The following SNX17 variants were observed in gnomAD, a reference collection of about 807,000 sequenced individuals.
The protein encoded by SNX17 is sorting nexin 17.
A neutral mutation model predicts 64.3 loss-of-function variants in SNX17; 35 were observed. The ratio of observed to expected loss-of-function variants is 0.54; its 90% CI spans 0.42 to 0.72. The LOEUF is 0.72. Among genes scored for constraint, SNX17 ranks in the 30% least tolerant of loss-of-function variants. SNX17 has a pLI of 0.00. For missense variants in SNX17, 538 were observed against 610.0 expected, an observed-to-expected ratio of 0.88 and a Z score of 1.24; for synonymous variants, 259 against 230.2, an observed-to-expected ratio of 1.13 and a Z score of -1.13.
intron 11 of SNX17, 43 bp from the exon 12 acceptor site, chr2:27,376,061 CAG>C: frequency 6.2e-7 from 1 of 1,613,612 alleles, no homozygotes; most frequent in Middle Eastern, 1.6e-4. Flanking sequence ...GTGCTGGGCT[CAG>C]AGTGACCACT....
Position 27,377,006 on chromosome 2 carries a change from T to G in SNX17, c.*287T>G. The G allele has an allele frequency of 2.2e-6, 1 of 453,684 alleles. No homozygotes were observed. The highest frequency in any genetic ancestry group is 4.0e-6 in the Non-Finnish European group (1 of 247,258). The allele number at this position is 453,684 out of a possible 1,614,324, so 28.1% of individuals were successfully genotyped here. A position where few individuals can be genotyped will look rare whatever the true frequency, so the allele number is the denominator to read the frequency against. On this transcript the variant is annotated 3_prime_UTR_variant, in exon 15 of 15. Transcript: ENST00000233575. This position sits in a 1 kb window ranked among gnomAD's most constrained non-coding sequence, Gnocchi z 4.4. ...GGCTGCCTGCCTTGGGGAGGAACCA[T>G]ATCTCCCTCTGGGCCGCTTCTGGCC...
chr2:27,372,555 G>C, intron 2 of SNX17, 68 bp from the exon 3 acceptor site: 1 of 1,611,322 alleles, frequency 6.2e-7, no homozygotes, highest in South Asian at 1.1e-5. Context: ...AACATTATGA[G>C]CATATGTAGA....
rs148186693 is a variant in SNX17, at chr2:27,374,092, C to G, written c.440C>G (p.Ala147Gly). 6.2e-7 allele frequency: 1 copy of G among 1,614,188 alleles called. No individual in the cohort carries two copies. The highest frequency in any genetic ancestry group is 8.5e-7 in the Non-Finnish European group (1 of 1,179,998). Reference sequence around the variant, plus strand: ...TTCTATCCCTATCCCCAGGCTGTAGCTGCAAAGCTGGATCTTCCAGATGAC... The same window carrying G: ...TTCTATCCCTATCCCCAGGCTGTAGGTGCAAAGCTGGATCTTCCAGATGAC... The part of the protein sequence containing the change: ...DQTEDVLEAV[A>G]AKLDLPDDLI... Residue 147 changes from alanine (A) to glycine (G), a missense_variant, in exon 6 of 15, where the codon GCT (alanine) becomes GGT (glycine). Ala to Gly is a moderately conservative substitution (Grantham distance 60). Around this residue, in one of 3 missense-constraint regions of SNX17, gnomAD observed 505 missense variants for 550.4 expected, o/e 0.92. Transcript: ENST00000233575.
At chr2:27,372,820 G>C in intron 3 of SNX17, 80 bp downstream of exon 3, 1 of 1,557,852 alleles carries the variant, frequency 6.4e-7, no homozygotes, top group Admixed American at 1.7e-5. Context: ...CTGTGGAAGG[G>C]CCTGATTTAA....
chr2:27,374,840 C>A, intron 8 of SNX17, 82 bp downstream of exon 8: 1 of 1,339,714 alleles, frequency 7.5e-7, no homozygotes. Flanking sequence ...GCTGTCGTGT[C>A]TTTGTTCCCA....
Position 27,376,671 on chromosome 2 carries a change from T to C in SNX17, c.1365T>C (p.Asp455=), listed in dbSNP as rs769015680. 3.7e-6 allele frequency: 6 copies of C among 1,614,222 alleles called. No homozygotes were observed. In the South Asian group the frequency reaches 6.6e-5, roughly 18 times the overall value. Residue 455 remains aspartate, a synonymous_variant, in exon 15 of 15, where the codon GAT becomes GAC. Coordinates refer to ENST00000233575, the MANE Select transcript of SNX17 (RefSeq NM_014748.4). ...GSPSTDASAS[D]VHGNFAFEGI... is the part of the protein sequence containing the mutation. ...CCAGCACAGATGCCAGTGCCAGTGATGTCCACGGCAATTTCGCCTTCGAGG... is the reference window on the plus strand; with the variant it reads ...CCAGCACAGATGCCAGTGCCAGTGACGTCCACGGCAATTTCGCCTTCGAGG...
chr2:27,377,052 G>C lies in SNX17; in HGVS notation c.*333G>C. 1 of 414,972 alleles carries C rather than the reference G, an allele frequency of 2.4e-6. No homozygotes were observed. The highest frequency in any genetic ancestry group is 4.5e-6 in the Non-Finnish European group (1 of 222,884). The allele number at this position is 414,972 out of a possible 1,614,324, so 25.7% of individuals were successfully genotyped here. On this transcript the variant is annotated 3_prime_UTR_variant, in exon 15 of 15. Transcript: ENST00000233575. The surrounding 1 kb of genome is among the most constrained non-coding windows in gnomAD (Gnocchi z 4.4). Reference sequence around the variant, plus strand: ...TGGCCTCTTGGAGCCATGGGCCAAAGGCCAAGGGGATGGGCAGAGGTCTGT... The same window carrying C: ...TGGCCTCTTGGAGCCATGGGCCAAACGCCAAGGGGATGGGCAGAGGTCTGT...
intron 5 of SNX17, 43 bp from the exon 6 acceptor site, chr2:27,374,042 A>G: frequency 6.2e-7 from 1 of 1,609,764 alleles, no homozygotes; most frequent in Non-Finnish European, 8.5e-7. Flanking sequence ...GAATGATTGG[A>G]ACCAGCCAGT....
At chr2:27,373,083 A>C in intron 3 of SNX17, 164 bp from the exon 4 acceptor site, 4 of 1,556,260 alleles carry the variant, frequency 2.6e-6, no homozygotes, top group Non-Finnish European at 3.5e-6. Context: ...AGGGTGGGGC[A>C]GGTGAAGAAT....
At chr2:27,372,065 AG>A (rs1682658492) in intron 2 of SNX17, among the ~76,000 whole-genome samples, 1 of 152,044 alleles carries the variant, frequency 6.6e-6, no homozygotes, top group African/African-American at 2.4e-5. Context: ...TTGTATTTTT[AG>A]TAGAGAGGGG....
chr2:27,377,061 G>C lies in SNX17; in HGVS notation c.*342G>C. 1 of 410,438 alleles carries C rather than the reference G, an allele frequency of 2.4e-6. No homozygotes were observed. Among genetic ancestry groups the C allele is most frequent in the Non-Finnish European group, 4.5e-6 (1 of 220,178 alleles). 25.4% of individuals were successfully genotyped at this position (410,438 alleles called of 1,614,324 possible). ...GGAGCCATGGGCCAAAGGCCAAGGG[G>C]ATGGGCAGAGGTCTGTGTTTGGTCT... On this transcript the variant is annotated 3_prime_UTR_variant, in exon 15 of 15. Coordinates refer to ENST00000233575, the MANE Select transcript of SNX17 (RefSeq NM_014748.4). This position sits in a 1 kb window ranked among gnomAD's most constrained non-coding sequence, Gnocchi z 4.4.
At position 27,375,250 on chromosome 2, in the gene SNX17, C is replaced by G. The variant is rs988010519; in HGVS notation, c.774+97C>G. ...GCCTCTCAGATTCATGCCATTCTCC[C>G]GCCTCAGCCTCCCGAGTAGCTGGGA... On this transcript the variant is annotated intron_variant, in intron 9 of 14. Transcript: ENST00000233575. This position sits in a 1 kb window ranked among gnomAD's most constrained non-coding sequence, Gnocchi z 4.1. The G allele has an allele frequency of 2.6e-6, 3 of 1,166,200 alleles. No individual in the cohort carries two copies. The African/African-American group carries it at 4.6e-5, about 18-fold the overall frequency. 72.2% of individuals were successfully genotyped at this position (1,166,200 alleles called of 1,614,324 possible).
intron 4 of SNX17, chr2:27,373,553 G>A: frequency 1.9e-6 from 1 of 537,996 alleles, no homozygotes; most frequent in Non-Finnish European, 3.3e-6. Flanking sequence ...AGTGGAGACG[G>A]GGTTTTGCCG....
chr2:27,375,980 C>A lies in SNX17; in HGVS notation c.1104+9C>A, dbSNP rs77687965. ...CCATCACTAGCCCCCAGGTGTGAAC[C>A]TACCCTCAGCCCTCCTCTGGAGCAC... On this transcript the variant is annotated intron_variant, in intron 11 of 14. Coordinates refer to ENST00000233575, the MANE Select transcript of SNX17 (RefSeq NM_014748.4). The surrounding 1 kb of genome is among the most constrained non-coding windows in gnomAD (Gnocchi z 4.1). 1.4e-4 allele frequency: 220 copies of A among 1,614,046 alleles called. 1 individual carries two copies. In the African/African-American group the frequency reaches 2.6e-3, roughly 19 times the overall value.
Position 27,377,024 on chromosome 2 carries a change from T to G in SNX17, c.*305T>G, listed in dbSNP as rs1246322164. 2.3e-6 allele frequency: 1 copy of G among 426,114 alleles called. No individual in the cohort carries two copies. The highest frequency in any genetic ancestry group is 2.3e-5 in the South Asian group (1 of 44,258). 26.4% of individuals were successfully genotyped at this position (426,114 alleles called of 1,614,324 possible). A position where few individuals can be genotyped will look rare whatever the true frequency, so the allele number is the denominator to read the frequency against. ...GGAACCATATCTCCCTCTGGGCCGCTTCTGGCCTCTTGGAGCCATGGGCCA... is the reference window on the plus strand; with the variant it reads ...GGAACCATATCTCCCTCTGGGCCGCGTCTGGCCTCTTGGAGCCATGGGCCA... On this transcript the variant is annotated 3_prime_UTR_variant, in exon 15 of 15. Coordinates refer to ENST00000233575, the MANE Select transcript of SNX17 (RefSeq NM_014748.4). The surrounding 1 kb of genome is among the most constrained non-coding windows in gnomAD (Gnocchi z 4.4).
At chr2:27,373,543 A>G (rs1248112309) in intron 4 of SNX17, 2 of 542,598 alleles carry the variant, frequency 3.7e-6, no homozygotes, top group South Asian at 2.1e-5. Context: ...TTGTATTTTT[A>G]GTGGAGACGG....
In SNX17 at chr2:27,375,625, C is replaced by T. The variant is rs761284405; in HGVS notation, c.894C>T (p.Ser298=). 6 of 1,614,182 alleles carry T rather than the reference C, an allele frequency of 3.7e-6. No individual in the cohort carries two copies. Among genetic ancestry groups the T allele is most frequent in the Non-Finnish European group, 5.1e-6 (6 of 1,180,026 alleles). Residue 298 remains serine, a synonymous_variant, in exon 10 of 15, where the codon AGC becomes AGT. Coordinates refer to ENST00000233575, the MANE Select transcript of SNX17 (RefSeq NM_014748.4). This position sits in a 1 kb window ranked among gnomAD's most constrained non-coding sequence, Gnocchi z 4.1. ...TGAGCGCGGGCAACAGTGAGCTCAGCCTGCAGCTCCGCCTGCCTGGCCAGC... is the reference window on the plus strand; with the variant it reads ...TGAGCGCGGGCAACAGTGAGCTCAGTCTGCAGCTCCGCCTGCCTGGCCAGC... ...VVVSAGNSEL[S]LQLRLPGQQL... is the part of the protein sequence containing the mutation.
intron 8 of SNX17, 146 bp from the exon 9 acceptor site, chr2:27,374,915 T>C (rs565579664): frequency 2.1e-6 from 2 of 969,770 alleles, no homozygotes; most frequent in Non-Finnish European, 3.2e-6. Flanking sequence ...TCCCTACTTT[T>C]ATTAAGCTGA....
intron 2 of SNX17, among the ~76,000 whole-genome samples, chr2:27,372,249 C>T (rs1198949843): frequency 6.6e-6 from 1 of 152,182 alleles, no homozygotes; most frequent in Non-Finnish European, 1.5e-5. Flanking sequence ...CCTTTAAGTC[C>T]TAAGATATTT....
Sources: gnomAD v4.1 joint callset for allele counts (sites outside exome capture counted in the v4.1 genomes callset) on GRCh38, gnomAD v4.1.1 for gene constraint, gnomAD v4.1.1 regional missense constraint, Gnocchi (gnomAD v3.1) non-coding constraint, MANE v1.5 for transcripts, NCBI Gene and HGNC (gene_info 2026-07-23, HGNC 2026-07-21) for gene names.